CSMD1: variants seen among roughly 807,000 people sequenced by gnomAD.
CSMD1 encodes the protein CUB and Sushi multiple domains 1.
CSMD1 carries 213 observed loss-of-function variants against 417.5 expected under a neutral mutation model. The observed-to-expected ratio is 0.51, with a 90% CI of 0.46 to 0.57. The LOEUF (loss-of-function observed/expected upper bound fraction) is 0.57. Ranked by LOEUF, CSMD1 falls within the 20% of genes least tolerant of loss-of-function variation. The pLI is 0.00. For synonymous variants in CSMD1, 2,862 were observed against 1,736.8 expected (o/e 1.65, Z -16.11); for missense variants, 6,923 against 4,529.7 (o/e 1.53, Z -15.17).
intron 1 of CSMD1, among the ~76,000 whole-genome samples, chr8:4,715,805 T>C (rs752735020): frequency 1.3e-5 from 2 of 152,128 alleles, no homozygotes; most frequent in African/African-American, 2.4e-5. Flanking sequence ...CGTCCTCCTA[T>C]CTCTAGCACT....
At chr8:3,652,021 C>CAG (rs1383694531) in intron 7 of CSMD1, among the ~76,000 whole-genome samples, 2 of 150,968 alleles carry the variant, frequency 1.3e-5, no homozygotes, top group East Asian at 3.9e-4. Flanking sequence ...TTACCACCAT[C>CAG]AGAGCACTTA....
chr8:3,181,525 A>C (rs1563117990), intron 36 of CSMD1, among the ~76,000 whole-genome samples: 2 of 152,006 alleles, frequency 1.3e-5, no homozygotes, highest in South Asian at 2.1e-4. Context: ...TCTTAAATTT[A>C]TTTTTTTACT....
chr8:3,704,238 G>C lies in CSMD1; in HGVS notation c.1009+4176C>G, dbSNP rs368253025. ...TACAGGCAAAAATAGAGCAGCCTGG[G>C]AAAAGTCAGTCTGCACCTGGACAGA... On this transcript the variant is annotated intron_variant, in intron 7 of 69. Coordinates refer to ENST00000635120, the MANE Select transcript of CSMD1 (RefSeq NM_033225.6). Among the ~76,000 whole-genome samples the C allele has an allele frequency of 2.3e-4, 35 of 152,118 alleles. 1 individual carries two copies. The highest frequency in any genetic ancestry group is 8.5e-4 in the African/African-American group (35 of 41,414).
At chr8:3,815,004 G>C (rs1433712742) in intron 5 of CSMD1, among the ~76,000 whole-genome samples, 2 of 152,164 alleles carry the variant, frequency 1.3e-5, no homozygotes, top group Non-Finnish European at 2.9e-5. Context: ...AATTACAATA[G>C]TTACATAGAG....
At chr8:3,470,776 G>A (rs1389008300) in intron 11 of CSMD1, among the ~76,000 whole-genome samples, 2 of 152,136 alleles carry the variant, frequency 1.3e-5, no homozygotes, top group Non-Finnish European at 2.9e-5. Flanking sequence ...AAATCACAGT[G>A]TTTAACAACC....
chr8:3,963,105 G>GT (rs1047556823), intron 5 of CSMD1, among the ~76,000 whole-genome samples: 202 of 152,072 alleles, frequency 1.3e-3, no homozygotes, highest in African/African-American at 4.4e-3. Flanking sequence ...TAATTTTTGT[G>GT]TTTTTTAGTA....
At chr8:3,286,291 G>T (rs1446417108) in intron 25 of CSMD1, among the ~76,000 whole-genome samples, 4 of 152,060 alleles carry the variant, frequency 2.6e-5, no homozygotes, top group African/African-American at 9.7e-5. Flanking sequence ...AAACATACGT[G>T]TGCATGTGTC....
At chr8:4,072,469 A>C (rs551984934) in intron 3 of CSMD1, among the ~76,000 whole-genome samples, 1 of 152,268 alleles carries the variant, frequency 6.6e-6, no homozygotes, top group South Asian at 2.1e-4. Flanking sequence ...ATTATTTCGC[A>C]CTTGTAGTGA....
intron 1 of CSMD1, among the ~76,000 whole-genome samples, chr8:4,763,936 A>C (rs569275702): frequency 3.3e-5 from 5 of 152,218 alleles, no homozygotes; most frequent in Non-Finnish European, 1.5e-5. Flanking sequence ...TGAACAAATT[A>C]TATTCCTTAT....
chr8:3,677,446 T>A (rs1799434660), intron 7 of CSMD1, among the ~76,000 whole-genome samples: 1 of 152,190 alleles, frequency 6.6e-6, no homozygotes, highest in Non-Finnish European at 1.5e-5. Flanking sequence ...GTACAGGTTG[T>A]CAGGAAAGTC....
intron 3 of CSMD1, among the ~76,000 whole-genome samples, chr8:4,390,586 T>A (rs1222137182): frequency 6.6e-6 from 1 of 151,668 alleles, no homozygotes; most frequent in African/African-American, 2.4e-5. Context: ...CGATCTCAGC[T>A]CCCTGCAAGC....
intron 5 of CSMD1, among the ~76,000 whole-genome samples, chr8:3,754,440 A>AT (rs11295797): frequency 2.4e-5 from 3 of 126,146 alleles, no homozygotes; most frequent in Admixed American, 2.3e-4. Flanking sequence ...TTCCTTATTT[A>AT]TTTATTTATT....
At chr8:3,750,629 G>C (rs1014839252) in intron 6 of CSMD1, among the ~76,000 whole-genome samples, 1 of 152,070 alleles carries the variant, frequency 6.6e-6, no homozygotes, top group Non-Finnish European at 1.5e-5. Context: ...GTATAGACAA[G>C]AGGGAAGATT....
Position 3,341,289 on chromosome 8 carries a change from G to A in CSMD1, c.3631+2005C>T, listed in dbSNP as rs117122113. Among the ~76,000 whole-genome samples the A allele has an allele frequency of 5.4e-3, 823 of 152,244 alleles. 4 individuals carry two copies. The highest frequency in any genetic ancestry group is 7.1e-3 in the Non-Finnish European group (482 of 68,026). ...CATGGACCTTCCTAACTGCTACCTG[G>A]ACAACAGAAGAGGCTTCAGAATTAT... On this transcript the variant is annotated intron_variant, in intron 23 of 69. Coordinates refer to ENST00000635120, the MANE Select transcript of CSMD1 (RefSeq NM_033225.6).
chr8:3,211,517 T>C lies in CSMD1; in HGVS notation c.4867+2980A>G, dbSNP rs186530582. ...TTTGAGGTCATTGCCCTTTGTTACA[T>C]CAAAATGGTTTTGGAAACCAGTTAC... On this transcript the variant is annotated intron_variant, in intron 30 of 69. Transcript: ENST00000635120. 2.0e-5 allele frequency among the ~76,000 whole-genome samples: 3 copies of C among 152,320 alleles called. No homozygotes were observed. The East Asian group carries it at 5.8e-4, about 29-fold the overall frequency.
chr8:4,513,206 T>C (rs1802921047), intron 2 of CSMD1, among the ~76,000 whole-genome samples: 1 of 152,124 alleles, frequency 6.6e-6, no homozygotes, highest in African/African-American at 2.4e-5. Context: ...GTACCATTCT[T>C]ATGGGGGGAT....
intron 10 of CSMD1, among the ~76,000 whole-genome samples, chr8:3,520,039 T>TATATATATATATATACACAC (rs545212684): frequency 6.8e-6 from 1 of 147,110 alleles, no homozygotes; most frequent in African/African-American, 2.6e-5. Flanking sequence ...TATATATATA[T>TATATATATATATATACACAC]ACACGTATAG....
At chr8:3,051,262 C>G (rs777892962) in intron 50 of CSMD1, among the ~76,000 whole-genome samples, 7 of 152,228 alleles carry the variant, frequency 4.6e-5, no homozygotes, top group Non-Finnish European at 1.0e-4. Context: ...GAATACTATG[C>G]AGCCATAAAA....
At chr8:3,794,670 T>C (rs1451826000) in intron 5 of CSMD1, among the ~76,000 whole-genome samples, 1 of 152,158 alleles carries the variant, frequency 6.6e-6, no homozygotes, top group Non-Finnish European at 1.5e-5. Context: ...ATTTGGTATT[T>C]ATCCTACTGG....
Sources: allele counts gnomAD v4.1 joint callset (sites outside exome capture counted in the v4.1 genomes callset), GRCh38; gene constraint gnomAD v4.1.1; transcripts MANE v1.5; gene names NCBI Gene and HGNC (gene_info 2026-07-23, HGNC 2026-07-21).